Variants in CAPZB observed in about 807,000 individuals in gnomAD.
CAPZB encodes the protein capping actin protein of muscle Z-line subunit beta.
In CAPZB, 2 loss-of-function variants were observed where a neutral mutation model predicts 38.1. The ratio of observed to expected loss-of-function variants is 0.05; its 90% confidence interval spans 0.02 to 0.17. The LOEUF (loss-of-function observed/expected upper bound fraction) is 0.17. Ranked by LOEUF, CAPZB falls within the 10% of genes least tolerant of loss-of-function variation. CAPZB has a pLI of 1.00. For missense variants in CAPZB, 161 were observed against 334.2 expected (o/e 0.48, Z 4.04); for synonymous variants, 107 against 127.4 (o/e 0.84, Z 1.08).
chr1:19,421,150 AAATCAAC>A (rs1266456479), intron 1 of CAPZB, among the ~76,000 whole-genome samples: 1 of 152,250 alleles, frequency 6.6e-6, no homozygotes, highest in Non-Finnish European at 1.5e-5. Context: ...TGGAAGGCCT[AAATCAAC>A]AAGCTACAGT....
intron 1 of CAPZB, among the ~76,000 whole-genome samples, chr1:19,435,890 C>A (rs569975243): frequency 6.6e-6 from 1 of 152,180 alleles, no homozygotes; most frequent in South Asian, 2.1e-4. Flanking sequence ...TTATTTAGCA[C>A]CTACTTTTGC....
Position 19,455,940 on chromosome 1 carries a change from G to C in CAPZB, c.3+29496C>G, listed in dbSNP as rs188078107. Among the ~76,000 whole-genome samples the C allele has an allele frequency of 2.8e-4, 43 of 152,336 alleles. 1 individual carries two copies. The East Asian group carries it at 7.5e-3, about 27-fold the overall frequency. On this transcript the variant is annotated intron_variant, in intron 1 of 8. Transcript: ENST00000264202. ...CTTGTTTATTTGTTTTTCAGACCAA[G>C]TCTCACTCTGTTGCCCAGGGTGGAG... is the stretch of plus-strand genomic sequence containing the variant.
chr1:19,465,771 G>A (rs2094566786), intron 1 of CAPZB, among the ~76,000 whole-genome samples: 2 of 152,136 alleles, frequency 1.3e-5, no homozygotes, highest in African/African-American at 2.4e-5. Flanking sequence ...CTGGGCCTCT[G>A]GGCTCATGTG....
chr1:19,412,721 G>A lies in CAPZB; in HGVS notation c.93+6940C>T, dbSNP rs150674565. 2.3e-3 allele frequency among the ~76,000 whole-genome samples: 351 copies of A among 152,334 alleles called. 2 individuals are homozygous for A. The highest frequency in any genetic ancestry group is 8.3e-3 in the African/African-American group (347 of 41,572). On this transcript the variant is annotated intron_variant, in intron 2 of 8. Coordinates refer to ENST00000264202, the MANE Select transcript of CAPZB (RefSeq NM_004930.5). ...GACATGAGTACTTTGGGGAAAGAAT[G>A]AGAAGCGCCAAGGCACAAGTCACTG...
intron 1 of CAPZB, chr1:19,449,153 C>T (rs1558271691): frequency 7.4e-7 from 1 of 1,352,510 alleles, no homozygotes; most frequent in Non-Finnish European, 9.5e-7. Flanking sequence ...CTCTGTAAGG[C>T]TGATAACGCA....
At chr1:19,344,335 G>A (rs756431208) in intron 8 of CAPZB, 23 bp downstream of exon 8, 1 of 1,592,846 alleles carries the variant, frequency 6.3e-7, no homozygotes, top group South Asian at 1.1e-5. Flanking sequence ...TGCTTCTAAA[G>A]CTTGTGCTTT....
At chr1:19,451,191 A>C (rs1355084160) in intron 1 of CAPZB, among the ~76,000 whole-genome samples, 7 of 152,212 alleles carry the variant, frequency 4.6e-5, no homozygotes, top group Non-Finnish European at 1.0e-4. Context: ...ATCTTAGTCC[A>C]AGAACTCATC....
rs1320996504 is a variant in CAPZB at position 19,338,810 on chromosome 1, T to C, written c.*720A>G. ...CCAGTTTCTTTTTATTGATTTCTTT[T>C]CTTTTCTTTTTTTAAGTATGGAGGC... On this transcript the variant is annotated 3_prime_UTR_variant, in exon 9 of 9. Transcript: ENST00000264202. The C allele has an allele frequency of 6.6e-6, 1 of 152,554 alleles. No homozygotes were observed. The highest frequency in any genetic ancestry group is 1.9e-4 in the East Asian group (1 of 5,208). The allele number at this position is 152,554 out of a possible 1,614,324, so 9.5% of individuals were successfully genotyped here.
intron 2 of CAPZB, among the ~76,000 whole-genome samples, chr1:19,409,285 A>G (rs2094346946): frequency 6.6e-6 from 1 of 152,070 alleles, no homozygotes; most frequent in South Asian, 2.1e-4. Flanking sequence ...AAGAGACTCA[A>G]TGCCAAGGTG....
chr1:19,471,817 A>G lies in CAPZB; in HGVS notation c.3+13619T>C, dbSNP rs189046042. Among the ~76,000 whole-genome samples the G allele has an allele frequency of 4.4e-3, 573 of 129,400 alleles. 1 individual carries two copies. The highest frequency in any genetic ancestry group is 0.015 in the African/African-American group (521 of 34,478). The allele number at this position is 129,400 out of a possible 152,430, so 84.9% of individuals were successfully genotyped here. On this transcript the variant is annotated intron_variant, in intron 1 of 8. Transcript: ENST00000264202. The stretch of plus-strand genomic sequence containing the variant: ...GGAGGCAGAGCTTGCAGTGAGCCGA[A>G]ATCGCTCCACTGCACTCCAGCCTGG...
chr1:19,419,237 C>T (rs956203322), intron 2 of CAPZB, among the ~76,000 whole-genome samples: 2 of 152,192 alleles, frequency 1.3e-5, no homozygotes, highest in African/African-American at 4.8e-5. Context: ...AATGAAGCCA[C>T]GGAAGCATCT....
chr1:19,462,543 G>C (rs552234775), intron 1 of CAPZB, among the ~76,000 whole-genome samples: 2 of 152,198 alleles, frequency 1.3e-5, no homozygotes, highest in Non-Finnish European at 2.9e-5. Flanking sequence ...AGGAGGGTAA[G>C]CATGTTAGAT....
intron 2 of CAPZB, chr1:19,385,905 G>A (rs1393352441): frequency 1.9e-6 from 1 of 512,854 alleles, no homozygotes; most frequent in Non-Finnish European, 3.8e-6. Context: ...GGTCACCAGG[G>A]TGGCCTAGTA....
intron 1 of CAPZB, among the ~76,000 whole-genome samples, chr1:19,481,883 A>C (rs1346499726): frequency 6.6e-6 from 1 of 151,830 alleles, no homozygotes; most frequent in Non-Finnish European, 1.5e-5. Flanking sequence ...TGACATCCCC[A>C]CCCCTCAACA....
intron 6 of CAPZB, among the ~76,000 whole-genome samples, chr1:19,347,182 G>T (rs1221066340): frequency 1.3e-5 from 2 of 152,014 alleles, no homozygotes; most frequent in African/African-American, 4.8e-5. Context: ...CCTCTGCAAG[G>T]AAACGCTAGC....
intron 1 of CAPZB, among the ~76,000 whole-genome samples, chr1:19,434,897 G>C (rs985837728): frequency 1.3e-5 from 2 of 151,844 alleles, no homozygotes; most frequent in Non-Finnish European, 2.9e-5. Flanking sequence ...CCAGCCTGGG[G>C]GACAAAACAC....
intron 8 of CAPZB, among the ~76,000 whole-genome samples, chr1:19,341,139 A>G (rs1024728545): frequency 1.3e-5 from 2 of 152,226 alleles, no homozygotes; most frequent in African/African-American, 4.8e-5. Flanking sequence ...TACAACTGAA[A>G]AAACTCCCAG....
intron 2 of CAPZB, among the ~76,000 whole-genome samples, chr1:19,408,713 C>A (rs573740011): frequency 6.6e-6 from 1 of 152,188 alleles, no homozygotes; most frequent in Non-Finnish European, 1.5e-5. Flanking sequence ...ACCATCAGGC[C>A]TGCACTTCGC....
At chr1:19,430,362 A>G (rs556586565) in intron 1 of CAPZB, among the ~76,000 whole-genome samples, 25 of 152,238 alleles carry the variant, frequency 1.6e-4, no homozygotes, top group Non-Finnish European at 3.2e-4. Flanking sequence ...AGTCATACTC[A>G]GGAGTCGGAG....
Sources: allele counts gnomAD v4.1 joint callset (sites outside exome capture counted in the v4.1 genomes callset), GRCh38; gene constraint gnomAD v4.1.1; transcripts MANE v1.5; gene names NCBI Gene and HGNC (gene_info 2026-07-23, HGNC 2026-07-21).